Variants in ITGBL1 observed in about 807,000 individuals in gnomAD.
ITGBL1 encodes the protein integrin beta-like protein 1.
In ITGBL1, 51 loss-of-function variants were observed where a neutral mutation model predicts 68.5. The observed-to-expected ratio is 0.74, with a 90% CI of 0.59 to 0.94. ITGBL1 has a LOEUF of 0.94. Ranked by LOEUF, ITGBL1 falls within the 40% of genes least tolerant of loss-of-function variation. The probability of loss-of-function intolerance (pLI) is 0.00; values close to 1 mark genes in which losing one functional copy is unlikely to be tolerated. For missense variants in ITGBL1, 649 were observed against 647.4 expected (o/e 1.00, Z -0.03); for synonymous variants, 209 against 227.3 (o/e 0.92, Z 0.72).
chr13:101,593,249 TA>T (rs56261424), intron 6 of ITGBL1, among the ~76,000 whole-genome samples: 4 of 151,174 alleles, frequency 2.6e-5, no homozygotes, highest in East Asian at 1.9e-4. Context: ...AGAATTATAA[TA>T]AAAAAAGACA....
At chr13:101,632,529 T>A (rs2032021388) in intron 7 of ITGBL1, among the ~76,000 whole-genome samples, 1 of 152,176 alleles carries the variant, frequency 6.6e-6, no homozygotes. Context: ...CACATAGGTG[T>A]TAACCCAAGA....
chr13:101,648,147 C>T (rs1338998559), intron 7 of ITGBL1, among the ~76,000 whole-genome samples: 4 of 152,064 alleles, frequency 2.6e-5, no homozygotes, highest in Admixed American at 1.3e-4. Flanking sequence ...ATTATTACAC[C>T]GTTCAGAGCT....
At chr13:101,548,162 A>G (rs1357476974) in intron 2 of ITGBL1, among the ~76,000 whole-genome samples, 1 of 151,882 alleles carries the variant, frequency 6.6e-6, no homozygotes, top group Non-Finnish European at 1.5e-5. Context: ...TCCAAAGTTT[A>G]TTCTTCAAGG....
intron 7 of ITGBL1, among the ~76,000 whole-genome samples, chr13:101,622,151 C>A (rs1183155086): frequency 2.0e-5 from 3 of 152,120 alleles, no homozygotes; most frequent in Non-Finnish European, 4.4e-5. Flanking sequence ...TGTTCTTAAA[C>A]AAGGCTTCTA....
At chr13:101,688,671 A>T (rs976278451) in intron 7 of ITGBL1, among the ~76,000 whole-genome samples, 20 of 152,180 alleles carry the variant, frequency 1.3e-4, no homozygotes, top group Admixed American at 8.5e-4. Context: ...CCCAAGAAGA[A>T]GAGTAGGTTT....
At chr13:101,705,087 G>T (rs896630825) in intron 8 of ITGBL1, among the ~76,000 whole-genome samples, 21 of 151,870 alleles carry the variant, frequency 1.4e-4, no homozygotes, top group African/African-American at 5.1e-4. Flanking sequence ...GTTTTTCCCA[G>T]AATATTTTTT....
At chr13:101,616,555 A>G (rs2031370398) in intron 7 of ITGBL1, among the ~76,000 whole-genome samples, 1 of 151,912 alleles carries the variant, frequency 6.6e-6, no homozygotes, top group Non-Finnish European at 1.5e-5. Flanking sequence ...CAGTGGCGCT[A>G]TCTCAGCTCA....
At chr13:101,459,085 AAAG>A (rs2048283981) in intron 2 of ITGBL1, among the ~76,000 whole-genome samples, 1 of 152,216 alleles carries the variant, frequency 6.6e-6, no homozygotes, top group Non-Finnish European at 1.5e-5. Flanking sequence ...AAATCACAGG[AAAG>A]AACCAGATAA....
intron 2 of ITGBL1, among the ~76,000 whole-genome samples, chr13:101,545,895 T>G (rs752269136): frequency 2.6e-5 from 4 of 152,190 alleles, no homozygotes; most frequent in Non-Finnish European, 5.9e-5. Context: ...TATAATTACA[T>G]TCCTAGTATG....
At chr13:101,613,775 T>C (rs1474122301) in intron 7 of ITGBL1, among the ~76,000 whole-genome samples, 1 of 152,080 alleles carries the variant, frequency 6.6e-6, no homozygotes, top group African/African-American at 2.4e-5. Flanking sequence ...CCCACCCGAC[T>C]TGATTTGTCT....
intron 8 of ITGBL1, among the ~76,000 whole-genome samples, chr13:101,696,284 C>T (rs1364133276): frequency 6.6e-6 from 1 of 152,070 alleles, no homozygotes; most frequent in Non-Finnish European, 1.5e-5. Flanking sequence ...CTTAGAGCTC[C>T]CTCCCCAGAG....
intron 2 of ITGBL1, among the ~76,000 whole-genome samples, chr13:101,540,715 G>C (rs960711513): frequency 8.6e-5 from 13 of 152,012 alleles, no homozygotes; most frequent in African/African-American, 3.1e-4. Flanking sequence ...TCGTTTGTAT[G>C]CTCTTTTATT....
intron 2 of ITGBL1, among the ~76,000 whole-genome samples, chr13:101,502,253 T>C (rs1210702608): frequency 1.3e-5 from 2 of 152,182 alleles, no homozygotes; most frequent in Non-Finnish European, 2.9e-5. Flanking sequence ...GGAAACCACA[T>C]AGGACCATGT....
intron 9 of ITGBL1, among the ~76,000 whole-genome samples, chr13:101,709,393 A>G (rs1004538260): frequency 5.4e-5 from 8 of 148,988 alleles, no homozygotes; most frequent in Non-Finnish European, 8.9e-5. Context: ...AAAAAAAAAA[A>G]AAAAAGAAAA....
At chr13:101,682,872 T>C (rs2033675723) in intron 7 of ITGBL1, among the ~76,000 whole-genome samples, 1 of 152,068 alleles carries the variant, frequency 6.6e-6, no homozygotes, top group East Asian at 1.9e-4. Flanking sequence ...ATATTTAGAA[T>C]AGTTTTCTCA....
chr13:101,546,965 T>C (rs1181538617), intron 2 of ITGBL1, among the ~76,000 whole-genome samples: 1 of 152,002 alleles, frequency 6.6e-6, no homozygotes, highest in Admixed American at 6.6e-5. Flanking sequence ...TCTATAATTT[T>C]AGAAAGAAAA....
intron 8 of ITGBL1, among the ~76,000 whole-genome samples, chr13:101,702,698 C>T (rs1400874086): frequency 6.6e-6 from 1 of 152,130 alleles, no homozygotes; most frequent in Non-Finnish European, 1.5e-5. Context: ...CAGTAAGAAA[C>T]ATGAGCATTT....
intron 2 of ITGBL1, among the ~76,000 whole-genome samples, chr13:101,475,611 C>T (rs1456089153): frequency 1.3e-5 from 2 of 152,050 alleles, no homozygotes; most frequent in African/African-American, 4.8e-5. Flanking sequence ...CCAAATAAGA[C>T]TACCTCAAGG....
rs16959139 is a variant in ITGBL1, at chr13:101,589,407, G to T, written c.868+6051G>T. On this transcript the variant is annotated intron_variant, in intron 6 of 10. Coordinates refer to ENST00000376180, the MANE Select transcript of ITGBL1 (RefSeq NM_004791.3). ...CCACTATTTTGTCACTTAAACTGGT[G>T]ACCATACATTCGCTGACTTTCAGGA... Among the ~76,000 whole-genome samples the T allele has an allele frequency of 9.0e-3, 1,372 of 152,258 alleles. 19 individuals are homozygous for T. Among genetic ancestry groups the T allele is most frequent in the African/African-American group, 0.031 (1,296 of 41,534 alleles).
Sources: gnomAD v4.1 joint callset for allele counts (sites outside exome capture counted in the v4.1 genomes callset) on GRCh38, gnomAD v4.1.1 for gene constraint, MANE v1.5 for transcripts, NCBI Gene and HGNC (gene_info 2026-07-23, HGNC 2026-07-21) for gene names.